The following CACNA1D variants were observed in gnomAD, a reference collection of about 807,000 sequenced individuals.
CACNA1D encodes calcium voltage-gated channel subunit alpha1 D.
Under a neutral mutation model 257.1 loss-of-function variants are expected in CACNA1D, and 55 were observed. The ratio of observed to expected loss-of-function variants is 0.21; its 90% confidence interval spans 0.17 to 0.27. The LOEUF is 0.27. Ranked by LOEUF, CACNA1D falls within the 10% of genes least tolerant of loss-of-function variation. CACNA1D has a pLI of 1.00. For synonymous variants in CACNA1D, 980 were observed against 1,014.9 expected (o/e 0.97, Z 0.65); for missense variants, 1,876 against 2,784.0 (o/e 0.67, Z 7.34).
Position 53,673,240 on chromosome 3 carries a change from C to T in CACNA1D, c.1220+114C>T, listed in dbSNP as rs2094343007. On this transcript the variant is annotated intron_variant, in intron 8 of 47. Transcript: ENST00000350061. This position sits in a 1 kb window ranked among gnomAD's most constrained non-coding sequence, Gnocchi z 4.1. Reference sequence around the variant, plus strand: ...GGGGTTGCCAGACATTTTATGTGTCCTCTGAGATGCTTTCTTTTCTGCTGA... The same window carrying T: ...GGGGTTGCCAGACATTTTATGTGTCTTCTGAGATGCTTTCTTTTCTGCTGA... 1.5e-6 allele frequency: 1 copy of T among 675,416 alleles called. No homozygotes were observed. Among genetic ancestry groups the T allele is most frequent in the Non-Finnish European group, 2.6e-6 (1 of 381,306 alleles). The allele number at this position is 675,416 out of a possible 1,614,324, so 41.8% of individuals were successfully genotyped here. A position where few individuals can be genotyped will look rare whatever the true frequency, so the allele number is the denominator to read the frequency against.
chr3:53,716,587 TTTTTG>T (rs879468070), intron 9 of CACNA1D, among the ~76,000 whole-genome samples: 17 of 152,182 alleles, frequency 1.1e-4, no homozygotes, highest in Admixed American at 2.0e-4. Context: ...TGTCCAGTTT[TTTTTG>T]TTTGTTTGTT....
At chr3:53,806,013 C>T (rs1406910816) in intron 45 of CACNA1D, among the ~76,000 whole-genome samples, 26 of 140,716 alleles carry the variant, frequency 1.8e-4, no homozygotes, top group African/African-American at 7.1e-4. Context: ...TTCCCTCCTC[C>T]TCCCTCATGT....
intron 3 of CACNA1D, among the ~76,000 whole-genome samples, chr3:53,559,910 T>C (rs906923502): frequency 3.3e-5 from 5 of 151,746 alleles, no homozygotes; most frequent in Non-Finnish European, 7.4e-5. Flanking sequence ...CTACAACTCT[T>C]GTGAGAATCA....
chr3:53,539,234 C>G (rs956630033), intron 3 of CACNA1D, among the ~76,000 whole-genome samples: 2 of 152,044 alleles, frequency 1.3e-5, no homozygotes, highest in African/African-American at 4.8e-5. Flanking sequence ...CTCAGCCTCC[C>G]TAGTAGCTGG....
Position 53,513,371 on chromosome 3 carries a change from G to A in CACNA1D, c.483+11651G>A, listed in dbSNP as rs541415059. On this transcript the variant is annotated intron_variant, in intron 3 of 47. Transcript: ENST00000350061. ...TTAAAAATAAATTTGGTAGCCAGGC[G>A]TGCCTCACACCTGTAATCCTAGCAC... Among the ~76,000 whole-genome samples the A allele has an allele frequency of 1.7e-4, 26 of 152,288 alleles. No homozygotes were observed. In the Middle Eastern group the frequency reaches 0.014, roughly 80 times the overall value.
chr3:53,809,056 G>T (rs1427026672), intron 46 of CACNA1D: 1 of 455,608 alleles, frequency 2.2e-6, no homozygotes, highest in East Asian at 4.2e-5. Context: ...CCTCTTCCTG[G>T]CATTGAATAC....
chr3:53,710,559 A>G (rs1371015342), intron 9 of CACNA1D: 7 of 448,676 alleles, frequency 1.6e-5, no homozygotes, highest in Non-Finnish European at 2.7e-5. Flanking sequence ...TGTGAAGTGC[A>G]TGTGCCGTGT....
chr3:53,649,529 C>T (rs2094064819), intron 3 of CACNA1D, among the ~76,000 whole-genome samples: 1 of 151,954 alleles, frequency 6.6e-6, no homozygotes. Context: ...CTCCACACAC[C>T]TCCCCCCCAC....
intron 4 of CACNA1D, among the ~76,000 whole-genome samples, chr3:53,652,398 A>G (rs1254752009): frequency 6.6e-6 from 1 of 152,064 alleles, no homozygotes; most frequent in South Asian, 2.1e-4. Flanking sequence ...AGAATAGGGG[A>G]GGGGAGGGAG....
chr3:53,775,120 T>C (rs1443236384), intron 34 of CACNA1D, among the ~76,000 whole-genome samples: 1 of 152,232 alleles, frequency 6.6e-6, no homozygotes, highest in African/African-American at 2.4e-5. Context: ...TTAATTAACT[T>C]TGTAAAACAA....
At chr3:53,713,627 TG>T (rs1362783571) in intron 9 of CACNA1D, among the ~76,000 whole-genome samples, 9 of 151,952 alleles carry the variant, frequency 5.9e-5, no homozygotes, top group Non-Finnish European at 1.2e-4. Flanking sequence ...GATGGATAAA[TG>T]TCTACACCTT....
chr3:53,735,286 C>A, intron 19 of CACNA1D, 88 bp from the exon 20 acceptor site: 1 of 1,256,958 alleles, frequency 8.0e-7, no homozygotes, highest in South Asian at 1.2e-5. Flanking sequence ...TCTGCCTGGC[C>A]TCTTGCTGCA....
At chr3:53,640,049 A>G (rs779291017) in intron 3 of CACNA1D, among the ~76,000 whole-genome samples, 29 of 151,832 alleles carry the variant, frequency 1.9e-4, no homozygotes, top group Admixed American at 6.6e-5. Context: ...TTTAGTAGAG[A>G]TAGGTTTCAC....
chr3:53,706,101 C>T (rs2094686136), intron 9 of CACNA1D, among the ~76,000 whole-genome samples: 1 of 152,210 alleles, frequency 6.6e-6, no homozygotes, highest in African/African-American at 2.4e-5. Flanking sequence ...CCTCTGTTAC[C>T]TCTTGAGAGG....
At position 53,751,119 on chromosome 3, in the gene CACNA1D, G is replaced by T. The variant is rs1287200578; in HGVS notation, c.3517-630G>T. 2.6e-5 allele frequency among the ~76,000 whole-genome samples: 4 copies of T among 152,186 alleles called. No homozygotes were observed. The highest frequency in any genetic ancestry group is 9.7e-5 in the African/African-American group (4 of 41,448). ...AGGGATTCTGAAATGAACACAACAA[G>T]CTCCCCAGCCCAGAAGCTCCCCGAT... is the stretch of plus-strand genomic sequence containing the variant. On this transcript the variant is annotated intron_variant, in intron 27 of 47. Coordinates refer to ENST00000350061, the MANE Select transcript of CACNA1D (RefSeq NM_001128840.3). The surrounding 1 kb of genome is among the most constrained non-coding windows in gnomAD (Gnocchi z 4.3).
At position 53,770,486 on chromosome 3, in the gene CACNA1D, G is replaced by A; in HGVS notation, c.3978G>A (p.Leu1326=). Residue 1326 remains leucine (L), a synonymous_variant, in exon 32 of 48, where the codon TTG becomes TTA. Coordinates refer to ENST00000350061, the MANE Select transcript of CACNA1D (RefSeq NM_001128840.3). Reference sequence around the variant, plus strand: ...TCCGTCTTTTCCGAGTGATGCGATTGGTGAAGCTTCTCAGCAGGGGGGAAG... The same window carrying A: ...TCCGTCTTTTCCGAGTGATGCGATTAGTGAAGCTTCTCAGCAGGGGGGAAG... ...TFFRLFRVMR[L]VKLLSRGEGI... is the part of the protein sequence containing the mutation. 2 of 1,613,436 alleles carry A rather than the reference G, an allele frequency of 1.2e-6. No individual in the cohort carries two copies. The highest frequency in any genetic ancestry group is 1.7e-6 in the Non-Finnish European group (2 of 1,179,354).
At chr3:53,775,852 C>G (rs2095394332) in intron 34 of CACNA1D, 34 bp from the exon 35 acceptor site, 5 of 1,609,382 alleles carry the variant, frequency 3.1e-6, no homozygotes, top group Non-Finnish European at 4.3e-6. Flanking sequence ...CTTCTTTCCC[C>G]CACTAAAGCC....
chr3:53,605,185 C>T (rs138740306), intron 3 of CACNA1D, among the ~76,000 whole-genome samples: 67 of 152,290 alleles, frequency 4.4e-4, no homozygotes, highest in African/African-American at 1.5e-3. Context: ...GTGAGAACCG[C>T]GACTGTGGGT....
intron 3 of CACNA1D, among the ~76,000 whole-genome samples, chr3:53,542,605 C>T (rs74390375): frequency 4.3e-5 from 4 of 92,648 alleles, no homozygotes; most frequent in East Asian, 2.4e-4. Context: ...AATAAATAAA[C>T]AAATAAATAT....
Sources: allele counts gnomAD v4.1 joint callset (sites outside exome capture counted in the v4.1 genomes callset), GRCh38; gene constraint gnomAD v4.1.1; non-coding constraint Gnocchi (gnomAD v3.1); transcripts MANE v1.5; gene names NCBI Gene and HGNC (gene_info 2026-07-23, HGNC 2026-07-21).